The following MICAL2 variants were observed in gnomAD, a reference collection of about 807,000 sequenced individuals.
MICAL2 encodes the protein [F-actin]-monooxygenase MICAL2.
A neutral mutation model predicts 127.3 loss-of-function variants in MICAL2; 77 were observed. That is an observed-to-expected ratio of 0.60 (90% CI 0.50 to 0.73). The LOEUF is 0.73. Among genes scored for constraint, MICAL2 ranks in the 30% least tolerant of loss-of-function variants. The pLI, the probability that MICAL2 is intolerant of heterozygous loss-of-function variation, is 0.00. For missense variants in MICAL2, 1,351 were observed against 1,434.4 expected, an observed-to-expected ratio of 0.94 and a Z score of 0.94; for synonymous variants, 570 against 551.1, an observed-to-expected ratio of 1.03 and a Z score of -0.48.
Position 12,179,407 on chromosome 11 carries a change from C to T in MICAL2, c.264+16988C>T, listed in dbSNP as rs113500183. ...TCTCCCCAGCAGCCCAGCCCAGAGC[C>T]GCACCTAGGAGTTTTCCACTGCCCA... On this transcript the variant is annotated intron_variant, in intron 3 of 27. Transcript: ENST00000683283. 4.8e-3 allele frequency among the ~76,000 whole-genome samples: 737 copies of T among 152,262 alleles called. 10 individuals carry two copies. Among genetic ancestry groups the T allele is most frequent in the African/African-American group, 9.3e-3 (387 of 41,544 alleles).
chr11:12,334,285 A>G (rs981513303), intron 32 of MICAL2, among the ~76,000 whole-genome samples: 4 of 152,164 alleles, frequency 2.6e-5, no homozygotes, highest in African/African-American at 4.8e-5. Context: ...TGCATACTTG[A>G]AATCATCTCT....
chr11:12,182,088 A>T (rs1442882872), intron 3 of MICAL2, among the ~76,000 whole-genome samples: 9 of 152,254 alleles, frequency 5.9e-5, no homozygotes, highest in Admixed American at 2.0e-4. Flanking sequence ...GTGAATAATT[A>T]TTGAAATTAT....
intron 32 of MICAL2, among the ~76,000 whole-genome samples, chr11:12,330,786 G>GGAGAGA (rs59477152): frequency 0.065 from 6,450 of 98,520 alleles, 309 homozygotes; most frequent in East Asian, 0.19. Context: ...TGCAGGACGT[G>GGAGAGA]GAGAGAGAGA....
chr11:12,319,789 C>T (rs1197067492), exon 30 of MICAL2: 4 of 1,613,938 alleles, frequency 2.5e-6, no homozygotes, highest in East Asian at 4.5e-5. Flanking sequence ...GAATTTGATC[C>T]CCAGCTTTCC....
intron 29 of MICAL2, among the ~76,000 whole-genome samples, chr11:12,300,462 A>G (rs995682633): frequency 1.3e-5 from 2 of 152,230 alleles, no homozygotes; most frequent in Non-Finnish European, 2.9e-5. Context: ...TAACTCAATC[A>G]GATGAGCCCT....
At chr11:12,241,582 G>A (rs904131880) in intron 18 of MICAL2, among the ~76,000 whole-genome samples, 30 of 152,346 alleles carry the variant, frequency 2.0e-4, no homozygotes, top group Middle Eastern at 3.4e-3. Context: ...GGGATGTGGC[G>A]AAGGCCTTGC....
chr11:12,324,213 T>C, intron 31 of MICAL2: 4 of 1,001,800 alleles, frequency 4.0e-6, no homozygotes, highest in Non-Finnish European at 5.5e-6. Flanking sequence ...GGAACCAGAT[T>C]TGTGGCCGTT....
chr11:12,299,463 A>C (rs1864021548), intron 29 of MICAL2, among the ~76,000 whole-genome samples: 1 of 152,156 alleles, frequency 6.6e-6, no homozygotes, highest in South Asian at 2.1e-4. Context: ...AAATTATTTA[A>C]TTTGTTTTTA....
At chr11:12,219,573 C>T (rs1484740013) in intron 8 of MICAL2, among the ~76,000 whole-genome samples, 5 of 150,750 alleles carry the variant, frequency 3.3e-5, no homozygotes, top group Non-Finnish European at 5.9e-5. Flanking sequence ...TGTGAGAGCC[C>T]TCGGCCCATC....
intron 4 of MICAL2, among the ~76,000 whole-genome samples, chr11:12,206,124 G>A (rs369217141): frequency 6.6e-6 from 1 of 152,134 alleles, no homozygotes; most frequent in Admixed American, 6.5e-5. Context: ...CTTTCAAGAT[G>A]TGCTCTCCCG....
At chr11:12,182,628 A>T (rs977256322) in intron 3 of MICAL2, among the ~76,000 whole-genome samples, 4 of 152,168 alleles carry the variant, frequency 2.6e-5, no homozygotes, top group African/African-American at 9.7e-5. Context: ...TTTTAAATGC[A>T]CTGTGATTCT....
At chr11:12,315,300 C>T (rs918244339) in intron 29 of MICAL2, among the ~76,000 whole-genome samples, 1 of 152,068 alleles carries the variant, frequency 6.6e-6, no homozygotes, top group Non-Finnish European at 1.5e-5. Flanking sequence ...TTCTTCTGTT[C>T]TAATATAAAC....
intron 1 of MICAL2, among the ~76,000 whole-genome samples, chr11:12,125,997 C>T (rs1850890233): frequency 6.6e-6 from 1 of 152,216 alleles, no homozygotes; most frequent in South Asian, 2.1e-4. Flanking sequence ...CCACCTGGGC[C>T]TCAGCTCCTC....
intron 3 of MICAL2, among the ~76,000 whole-genome samples, chr11:12,198,888 C>T (rs1860291774): frequency 6.6e-6 from 1 of 152,202 alleles, no homozygotes; most frequent in Non-Finnish European, 1.5e-5. Flanking sequence ...CAGGCTGGAC[C>T]TGGCTTGCTC....
At chr11:12,261,401 AG>A (rs1193630717) in intron 26 of MICAL2, 59 of 985,510 alleles carry the variant, frequency 6.0e-5, no homozygotes, top group Non-Finnish European at 6.6e-5. Context: ...GGTAAAAATG[AG>A]CATGCAGGTC....
intron 21 of MICAL2, among the ~76,000 whole-genome samples, chr11:12,247,447 G>T (rs1264375035): frequency 1.3e-5 from 2 of 152,160 alleles, no homozygotes; most frequent in Non-Finnish European, 2.9e-5. Flanking sequence ...TCACAGTATG[G>T]CTGGGAATGA....
At chr11:12,124,014 C>T (rs932936675) in intron 1 of MICAL2, among the ~76,000 whole-genome samples, 2 of 152,200 alleles carry the variant, frequency 1.3e-5, no homozygotes, top group Non-Finnish European at 1.5e-5. Flanking sequence ...ACATCACAGA[C>T]GTTACTGCTG....
At chr11:12,204,484 A>C in intron 4 of MICAL2, 27 bp downstream of exon 4, 4 of 1,608,854 alleles carry the variant, frequency 2.5e-6, no homozygotes, top group Non-Finnish European at 3.4e-6. Context: ...GTGATATCCC[A>C]TGAAGGGAGG....
intron 18 of MICAL2, 36 bp downstream of exon 18, chr11:12,241,198 G>C: frequency 6.3e-7 from 1 of 1,596,020 alleles, no homozygotes; most frequent in Non-Finnish European, 8.6e-7. Flanking sequence ...TTTTGGTGAA[G>C]CCAGAGGGGA....
Sources: gnomAD v4.1 joint callset for allele counts (sites outside exome capture counted in the v4.1 genomes callset) on GRCh38, gnomAD v4.1.1 for gene constraint, MANE v1.5 for transcripts, NCBI Gene and HGNC (gene_info 2026-07-23, HGNC 2026-07-21) for gene names.